ZNF804A: variants seen among roughly 807,000 people sequenced by gnomAD.
The protein encoded by ZNF804A is zinc finger protein 804A.
In ZNF804A, 2 loss-of-function variants were observed where a neutral mutation model predicts 16.5. The ratio of observed to expected loss-of-function variants is 0.12; its 90% CI spans 0.05 to 0.38. ZNF804A has a LOEUF of 0.38. Among genes scored for constraint, ZNF804A ranks in the 10% least tolerant of loss-of-function variants. The pLI is 0.99. For synonymous variants in ZNF804A, 534 were observed against 489.6 expected, an observed-to-expected ratio of 1.09 and a Z score of -1.20; for missense variants, 1,473 against 1,390.7, an observed-to-expected ratio of 1.06 and a Z score of -0.94.
chr2:184,658,232 C>T (rs558014257), intron 1 of ZNF804A, among the ~76,000 whole-genome samples: 16 of 152,160 alleles, frequency 1.1e-4, no homozygotes, highest in Non-Finnish European at 2.2e-4. Flanking sequence ...GCCTGTAATC[C>T]CTGCACTTTG....
intron 2 of ZNF804A, among the ~76,000 whole-genome samples, chr2:184,914,937 G>A (rs1326919594): frequency 1.3e-5 from 2 of 151,664 alleles, no homozygotes; most frequent in East Asian, 3.9e-4. Context: ...ACTTGTGAAT[G>A]TTCAATGAAT....
intron 1 of ZNF804A, among the ~76,000 whole-genome samples, chr2:184,618,105 C>T (rs554066974): frequency 3.9e-5 from 6 of 152,026 alleles, no homozygotes; most frequent in Admixed American, 3.3e-4. Context: ...GAATAATATG[C>T]ATTCTCATAT....
At position 184,938,584 on chromosome 2, in the gene ZNF804A, A is replaced by G. The variant is rs1202791568; in HGVS notation, c.3188A>G (p.Asn1063Ser). 2.5e-6 allele frequency: 4 copies of G among 1,613,956 alleles called. No individual in the cohort carries two copies. The highest frequency in any genetic ancestry group is 3.3e-5 in the Admixed American group (2 of 59,980). The change falls in exon 4 of 4, where the codon AAC becomes AGC. Residue 1063 changes from asparagine to serine, a missense_variant. By Grantham distance (46) the Asn-to-Ser change is conservative. Coordinates refer to ENST00000302277, the MANE Select transcript of ZNF804A (RefSeq NM_194250.2). ...QHILQPNMLANKVKFTFPPAA... is the reference protein window; with the variant it reads ...QHILQPNMLASKVKFTFPPAA... ...ATTCTGCAGCCAAACATGCTGGCCA[A>G]CAAGGTTAAATTTACCTTTCCTCCA...
intron 2 of ZNF804A, among the ~76,000 whole-genome samples, chr2:184,867,166 A>G (rs773884860): frequency 1.3e-5 from 2 of 152,098 alleles, no homozygotes; most frequent in African/African-American, 4.8e-5. Context: ...AGTTTTAAAT[A>G]GTAGTGTTAT....
intron 1 of ZNF804A, among the ~76,000 whole-genome samples, chr2:184,821,488 C>G (rs1232677111): frequency 6.6e-6 from 1 of 152,056 alleles, no homozygotes; most frequent in Non-Finnish European, 1.5e-5. Flanking sequence ...CAATGCCATT[C>G]AGGATGTAGG....
intron 1 of ZNF804A, among the ~76,000 whole-genome samples, chr2:184,745,556 G>C (rs1281340190): frequency 6.6e-6 from 1 of 151,510 alleles, no homozygotes; most frequent in Non-Finnish European, 1.5e-5. Context: ...GAAATATGAA[G>C]AACAAAAGCC....
At chr2:184,604,252 G>A (rs1467514563) in intron 1 of ZNF804A, among the ~76,000 whole-genome samples, 1 of 134,796 alleles carries the variant, frequency 7.4e-6, no homozygotes, top group East Asian at 2.4e-4. Context: ...CTCACTGCAA[G>A]CTCCGCCTCC....
chr2:184,760,356 A>G (rs1161408501), intron 1 of ZNF804A, among the ~76,000 whole-genome samples: 2 of 152,162 alleles, frequency 1.3e-5, no homozygotes, highest in Admixed American at 1.3e-4. Context: ...TATGCATATG[A>G]CATATATAAT....
intron 1 of ZNF804A, among the ~76,000 whole-genome samples, chr2:184,786,432 G>A (rs993410925): frequency 1.3e-5 from 2 of 151,974 alleles, no homozygotes; most frequent in Non-Finnish European, 2.9e-5. Flanking sequence ...CATTTTGAAT[G>A]TATGCTTAAC....
At chr2:184,878,316 A>G (rs570542605) in intron 2 of ZNF804A, among the ~76,000 whole-genome samples, 10 of 152,106 alleles carry the variant, frequency 6.6e-5, no homozygotes, top group Non-Finnish European at 1.5e-4. Flanking sequence ...CTATTTTACC[A>G]GGGAGAACTA....
At chr2:184,707,347 G>C (rs1693046703) in intron 1 of ZNF804A, among the ~76,000 whole-genome samples, 1 of 151,974 alleles carries the variant, frequency 6.6e-6, no homozygotes, top group Admixed American at 6.6e-5. Flanking sequence ...TTTGTTACAT[G>C]ACTATATTGT....
chr2:184,880,339 T>C (rs1225410297), intron 2 of ZNF804A, among the ~76,000 whole-genome samples: 1 of 152,092 alleles, frequency 6.6e-6, no homozygotes, highest in Non-Finnish European at 1.5e-5. Context: ...GCTTTTTTTA[T>C]TACAATAAAC....
intron 1 of ZNF804A, among the ~76,000 whole-genome samples, chr2:184,633,367 A>G (rs1190744949): frequency 6.6e-6 from 1 of 151,978 alleles, no homozygotes; most frequent in Non-Finnish European, 1.5e-5. Context: ...GATTTTTTTA[A>G]ATAAAAAGTA....
chr2:184,856,434 T>G (rs1695688461), intron 1 of ZNF804A, among the ~76,000 whole-genome samples: 1 of 152,140 alleles, frequency 6.6e-6, no homozygotes, highest in Admixed American at 6.6e-5. Flanking sequence ...TTTTTTAGTG[T>G]TGTTGTTATT....
At position 184,937,229 on chromosome 2, in the gene ZNF804A, C is replaced by G; in HGVS notation, c.1833C>G (p.Thr611=). 2 of 1,608,626 alleles carry G rather than the reference C, an allele frequency of 1.2e-6. No individual in the cohort carries two copies. The highest frequency in any genetic ancestry group is 1.7e-6 in the Non-Finnish European group (2 of 1,178,510). ...KLCQHHHMEK[T]KESETRCKME... is the part of the protein sequence containing the mutation. ...GTCAGCATCATCATATGGAGAAAACCAAAGAATCAGAAACTCGCTGCAAAA... is the reference window on the plus strand; with the variant it reads ...GTCAGCATCATCATATGGAGAAAACGAAAGAATCAGAAACTCGCTGCAAAA... Residue 611 remains threonine (T), a synonymous_variant, in exon 4 of 4, where the codon ACC becomes ACG. Transcript: ENST00000302277.
rs1429646010 is a variant in ZNF804A, at chr2:184,790,528, T to C, written c.112-75841T>C. 7.9e-5 allele frequency among the ~76,000 whole-genome samples: 12 copies of C among 152,100 alleles called. No individual in the cohort carries two copies. In the East Asian group the frequency reaches 2.3e-3, roughly 29 times the overall value. On this transcript the variant is annotated intron_variant, in intron 1 of 3. Coordinates refer to ENST00000302277, the MANE Select transcript of ZNF804A (RefSeq NM_194250.2). Reference sequence around the variant, plus strand: ...TTTATGGATCCAGGTTCTCCAGTGGTGTATGCATATATGTTTAGGACAGCT... The same window carrying C: ...TTTATGGATCCAGGTTCTCCAGTGGCGTATGCATATATGTTTAGGACAGCT...
intron 1 of ZNF804A, among the ~76,000 whole-genome samples, chr2:184,614,035 T>C (rs909920714): frequency 6.6e-6 from 1 of 152,136 alleles, no homozygotes; most frequent in Non-Finnish European, 1.5e-5. Flanking sequence ...CTTCAAACTA[T>C]ACTACAAGAC....
chr2:184,624,111 A>T (rs1450991348), intron 1 of ZNF804A, among the ~76,000 whole-genome samples: 1 of 152,168 alleles, frequency 6.6e-6, no homozygotes, highest in Admixed American at 6.6e-5. Flanking sequence ...GCCCATTAAT[A>T]CATTTGCAGT....
At position 184,762,750 on chromosome 2, in the gene ZNF804A, A is replaced by G. The variant is rs1282832294; in HGVS notation, c.112-103619A>G. Among the ~76,000 whole-genome samples, 5 of 152,176 alleles carry G rather than the reference A, an allele frequency of 3.3e-5. No homozygotes were observed. The East Asian group carries it at 5.8e-4, about 18-fold the overall frequency. On this transcript the variant is annotated intron_variant, in intron 1 of 3. Coordinates refer to ENST00000302277, the MANE Select transcript of ZNF804A (RefSeq NM_194250.2). Reference sequence around the variant, plus strand: ...ACAATAAAATAGTTATTATTTGTCTATTTTTATTTGCTATTTATCAATGAT... The same window carrying G: ...ACAATAAAATAGTTATTATTTGTCTGTTTTTATTTGCTATTTATCAATGAT...
Sources: gnomAD v4.1 joint callset for allele counts (sites outside exome capture counted in the v4.1 genomes callset) on GRCh38, gnomAD v4.1.1 for gene constraint, MANE v1.5 for transcripts, NCBI Gene and HGNC (gene_info 2026-07-23, HGNC 2026-07-21) for gene names.